The following PSD3 variants were observed in gnomAD, a reference collection of about 807,000 sequenced individuals.
PSD3 encodes the protein PH and SEC7 domain-containing protein 3.
In PSD3, 49 loss-of-function variants were observed where a neutral mutation model predicts 105.5. That is an observed-to-expected ratio of 0.46 (90% CI 0.37 to 0.59). The LOEUF (loss-of-function observed/expected upper bound fraction) is 0.59. PSD3 is among the 20% of genes least tolerant of loss of function. The pLI is 0.00. For synonymous variants in PSD3, 557 were observed against 457.8 expected, an observed-to-expected ratio of 1.22 and a Z score of -2.77; for missense variants, 1,561 against 1,263.8, an observed-to-expected ratio of 1.24 and a Z score of -3.57.
chr8:19,061,992 T>C (rs1460730924), intron 1 of PSD3, among the ~76,000 whole-genome samples: 1 of 152,172 alleles, frequency 6.6e-6, no homozygotes, highest in African/African-American at 2.4e-5. Context: ...ATTGTACTGA[T>C]TATCTGTCTG....
At chr8:18,644,551 T>C (rs901019387) in intron 10 of PSD3, among the ~76,000 whole-genome samples, 3 of 152,204 alleles carry the variant, frequency 2.0e-5, no homozygotes, top group Non-Finnish European at 4.4e-5. Context: ...ACTATGCATG[T>C]TTCTACTAAC....
intron 4 of PSD3, chr8:18,854,343 C>T (rs756618985): frequency 6.5e-6 from 1 of 152,712 alleles, no homozygotes; most frequent in Non-Finnish European, 1.5e-5. Flanking sequence ...TCCCCCTCTT[C>T]CCAGCCTCCT....
At chr8:18,762,487 A>G (rs1194982988) in intron 9 of PSD3, among the ~76,000 whole-genome samples, 1 of 152,172 alleles carries the variant, frequency 6.6e-6, no homozygotes, top group African/African-American at 2.4e-5. Flanking sequence ...CTAATACACC[A>G]TCTCAAACAT....
intron 14 of PSD3, among the ~76,000 whole-genome samples, chr8:18,565,301 G>A (rs1480758289): frequency 6.6e-6 from 1 of 152,134 alleles, no homozygotes; most frequent in East Asian, 1.9e-4. Flanking sequence ...TCTGTGTTTG[G>A]AGAGCTACAC....
intron 9 of PSD3, among the ~76,000 whole-genome samples, chr8:18,743,958 C>G (rs867563687): frequency 1.6e-5 from 1 of 63,446 alleles, no homozygotes; most frequent in East Asian, 4.4e-4. Context: ...AACTCTGTCT[C>G]TCACCACCAC....
intron 9 of PSD3, among the ~76,000 whole-genome samples, chr8:18,723,487 T>A (rs1803138387): frequency 6.6e-6 from 1 of 152,240 alleles, no homozygotes; most frequent in Non-Finnish European, 1.5e-5. Flanking sequence ...TAGGCGTTTC[T>A]CTACTGAAGA....
At chr8:18,713,928 A>G (rs1468019953) in intron 9 of PSD3, among the ~76,000 whole-genome samples, 1 of 152,184 alleles carries the variant, frequency 6.6e-6, no homozygotes, top group Non-Finnish European at 1.5e-5. Flanking sequence ...GGTACAAAAA[A>G]CAGACACATA....
At chr8:19,057,654 G>C (rs925557852) in intron 1 of PSD3, among the ~76,000 whole-genome samples, 1 of 152,076 alleles carries the variant, frequency 6.6e-6, no homozygotes, top group African/African-American at 2.4e-5. Context: ...CAACTAAAGA[G>C]TTATGCCCCC....
chr8:18,759,444 G>T (rs1298131137), intron 9 of PSD3, among the ~76,000 whole-genome samples: 3 of 151,924 alleles, frequency 2.0e-5, no homozygotes, highest in African/African-American at 7.2e-5. Flanking sequence ...ACAAATATTT[G>T]GAACATTTTG....
At chr8:18,792,121 T>G (rs1809779032) in intron 8 of PSD3, among the ~76,000 whole-genome samples, 1 of 151,998 alleles carries the variant, frequency 6.6e-6, no homozygotes, top group Non-Finnish European at 1.5e-5. Context: ...TTGGTGGGAG[T>G]GTAAATTAGT....
intron 1 of PSD3, among the ~76,000 whole-genome samples, chr8:19,062,574 A>C (rs1217386687): frequency 6.6e-6 from 1 of 152,228 alleles, no homozygotes; most frequent in Non-Finnish European, 1.5e-5. Flanking sequence ...TTTTCTACTT[A>C]AATCATTTAA....
At chr8:18,994,889 G>T (rs1225021594) in intron 1 of PSD3, among the ~76,000 whole-genome samples, 2 of 151,648 alleles carry the variant, frequency 1.3e-5, no homozygotes, top group Non-Finnish European at 2.9e-5. Context: ...AATTTTCAGA[G>T]TTCAGATAAT....
intron 9 of PSD3, among the ~76,000 whole-genome samples, chr8:18,730,946 G>A (rs926277114): frequency 2.0e-5 from 3 of 152,082 alleles, no homozygotes; most frequent in Admixed American, 2.0e-4. Context: ...CGAAAGTAAT[G>A]TTTATTTTTA....
At chr8:18,769,469 T>TA (rs1394362803) in intron 8 of PSD3, among the ~76,000 whole-genome samples, 1 of 152,174 alleles carries the variant, frequency 6.6e-6, no homozygotes, top group Non-Finnish European at 1.5e-5. Context: ...ACTATAACTT[T>TA]AAAAAAGTAT....
At chr8:18,793,697 G>C (rs1021746318) in intron 8 of PSD3, among the ~76,000 whole-genome samples, 3 of 152,130 alleles carry the variant, frequency 2.0e-5, no homozygotes, top group Non-Finnish European at 2.9e-5. Flanking sequence ...ATGGCAGATG[G>C]CATCACCTTT....
rs181830388 is a variant in PSD3 at position 19,006,397 on chromosome 8, T to C, written c.21+7166A>G. Among the ~76,000 whole-genome samples, 160 of 151,842 alleles carry C rather than the reference T, an allele frequency of 1.1e-3. 1 individual carries two copies. Among genetic ancestry groups the C allele is most frequent in the African/African-American group, 3.7e-3 (155 of 41,460 alleles). The stretch of plus-strand genomic sequence containing the variant: ...ATAGTACCTAGCCCATAATAAATAC[T>C]AAATAGATGTCATTCTTTCTCCTCT... On this transcript the variant is annotated intron_variant, in intron 1 of 15. Transcript: ENST00000327040.
Position 18,550,257 on chromosome 8 carries a change from A to T in PSD3, c.2928+5952T>A, listed in dbSNP as rs138558404. On this transcript the variant is annotated intron_variant, in intron 15 of 15. Coordinates refer to ENST00000327040, the MANE Select transcript of PSD3 (RefSeq NM_015310.4). ...ATCTACTAAAAATGTGGCTCAAAGAATCCTGTTGCTAGGCTCCGCTTCTCT... is the reference window on the plus strand; with the variant it reads ...ATCTACTAAAAATGTGGCTCAAAGATTCCTGTTGCTAGGCTCCGCTTCTCT... 2.3e-3 allele frequency among the ~76,000 whole-genome samples: 352 copies of T among 152,332 alleles called. 1 individual carries two copies. The highest frequency in any genetic ancestry group is 8.2e-3 in the African/African-American group (342 of 41,576).
intron 8 of PSD3, among the ~76,000 whole-genome samples, chr8:18,771,328 T>A (rs1342621934): frequency 6.6e-6 from 1 of 152,228 alleles, no homozygotes; most frequent in Non-Finnish European, 1.5e-5. Context: ...CTGCCTCTTG[T>A]CCCTATCACT....
chr8:18,609,726 T>G (rs1160099934), intron 11 of PSD3, among the ~76,000 whole-genome samples: 1 of 152,246 alleles, frequency 6.6e-6, no homozygotes, highest in African/African-American at 2.4e-5. Flanking sequence ...GCAAAGAATT[T>G]AAATAAGTTC....
Sources: allele counts gnomAD v4.1 joint callset (sites outside exome capture counted in the v4.1 genomes callset), GRCh38; gene constraint gnomAD v4.1.1; transcripts MANE v1.5; gene names NCBI Gene and HGNC (gene_info 2026-07-23, HGNC 2026-07-21).